DYNLT2: variants seen among roughly 807,000 people sequenced by gnomAD.
DYNLT2 encodes the protein dynein light chain Tctex-type protein 2.
A neutral mutation model predicts 24.3 loss-of-function variants in DYNLT2; 24 were observed. That is an observed-to-expected ratio of 0.99 (90% confidence interval 0.71 to 1.39). The LOEUF is 1.39. Among genes scored for constraint, DYNLT2 ranks in the 40% most tolerant of loss-of-function variants. The pLI is 0.00. For missense variants in DYNLT2, 246 were observed against 234.5 expected (o/e 1.05, Z -0.32); for synonymous variants, 85 against 85.4 (o/e 1.00, Z 0.03).
Position 169,744,214 on chromosome 6 carries a change from G to T in DYNLT2, c.181C>A (p.Pro61Thr), listed in dbSNP as rs76911742. 422 of 1,613,698 alleles carry T rather than the reference G, an allele frequency of 2.6e-4. No homozygotes were observed. The East Asian group carries it at 5.0e-3, about 19-fold the overall frequency. Reference protein sequence around the residue: ...ESIHNVQYVEPPFDDSIADIG... With the variant: ...ESIHNVQYVETPFDDSIADIG... Reference sequence around the variant, plus strand: ...TCAGCAATTGAGTCATCAAAAGGAGGCTCCACATACTGAACATTGTGAATT... The same window carrying T: ...TCAGCAATTGAGTCATCAAAAGGAGTCTCCACATACTGAACATTGTGAATT... Residue 61 changes from proline to threonine, a missense_variant, in exon 2 of 4, where the codon CCT becomes ACT. Transcript: ENST00000366774.
rs766291738 is a variant in DYNLT2 at position 169,743,061 on chromosome 6, G to A, written c.486+19C>T. On this transcript the variant is annotated intron_variant, in intron 3 of 3. Transcript: ENST00000366774. ...CTTATAGTTCTAATTGCTAGATCCTGTATCAATGGGGTACTTACATTTATT... is the reference window on the plus strand; with the variant it reads ...CTTATAGTTCTAATTGCTAGATCCTATATCAATGGGGTACTTACATTTATT... The A allele has an allele frequency of 7.3e-6, 11 of 1,502,736 alleles. No homozygotes were observed. In the Admixed American group the frequency reaches 1.3e-4, roughly 18 times the overall value. 93.1% of individuals were successfully genotyped at this position (1,502,736 alleles called of 1,614,324 possible).
chr6:169,748,800 C>CA (rs1789872065), intron 1 of DYNLT2, among the ~76,000 whole-genome samples: 5 of 152,162 alleles, frequency 3.3e-5, no homozygotes, highest in African/African-American at 9.7e-5. Context: ...CTGAAAATAA[C>CA]CATTAATGCT....
intron 1 of DYNLT2, among the ~76,000 whole-genome samples, chr6:169,748,554 G>C (rs745928772): frequency 9.9e-5 from 15 of 152,250 alleles, no homozygotes; most frequent in Non-Finnish European, 1.9e-4. Flanking sequence ...ATCTCTTCTT[G>C]TGATCATCTG....
the DYNLT2 span, among the ~76,000 whole-genome samples, chr6:169,728,559 T>G: frequency 6.6e-6 from 1 of 152,228 alleles, no homozygotes; most frequent in Non-Finnish European, 1.5e-5. Context: ...CAAAGTGATC[T>G]TAATAATCAA....
At chr6:169,739,794 A>G (rs1170946005), downstream of DYNLT2, among the ~76,000 whole-genome samples, 1 of 152,214 alleles carries the variant, frequency 6.6e-6, no homozygotes, top group Non-Finnish European at 1.5e-5. Context: ...AGAAATTTCC[A>G]AAATCTATCT....
chr6:169,734,446 G>C, the DYNLT2 span, among the ~76,000 whole-genome samples: 4 of 152,164 alleles, frequency 2.6e-5, no homozygotes, highest in Admixed American at 6.5e-5. Context: ...TTATTATTTT[G>C]AGATCTGTTC....
chr6:169,745,867 G>T (rs145587955), intron 1 of DYNLT2, among the ~76,000 whole-genome samples: 1 of 151,988 alleles, frequency 6.6e-6, no homozygotes, highest in Non-Finnish European at 1.5e-5. Flanking sequence ...TTCCTTAAAT[G>T]CTTGGTAGAA....
rs188484653 is a variant in DYNLT2 at position 169,740,230 on chromosome 6, T to G, written c.552A>C (p.Glu184Asp). 6.2e-7 allele frequency: 1 copy of G among 1,614,036 alleles called. No individual in the cohort carries two copies. The highest frequency in any genetic ancestry group is 2.2e-5 in the East Asian group (1 of 44,876). ...ACACCAAGACCAGTGCCACGTAGGATTCTGCTTCGTGTTTAGCTGCGACCC... is the reference window on the plus strand; with the variant it reads ...ACACCAAGACCAGTGCCACGTAGGAGTCTGCTTCGTGTTTAGCTGCGACCC... ...DSWVAAKHEA[E>D]SYVALVLVFA... Residue 184 changes from glutamate to aspartate, a missense_variant, in exon 4 of 4, where the codon GAA becomes GAC. Glu to Asp is a conservative substitution (Grantham distance 45). Coordinates refer to ENST00000366774, the MANE Select transcript of DYNLT2 (RefSeq NM_174910.3).
At chr6:169,729,239 A>G in the DYNLT2 span, among the ~76,000 whole-genome samples, 18 of 152,176 alleles carry the variant, frequency 1.2e-4, no homozygotes, top group Non-Finnish European at 2.4e-4. Flanking sequence ...TCCTGAAGCA[A>G]CTTACCTTGT....
the DYNLT2 span, among the ~76,000 whole-genome samples, chr6:169,731,418 T>C: frequency 1.3e-5 from 2 of 152,252 alleles, no homozygotes; most frequent in East Asian, 3.9e-4. Flanking sequence ...TCCATCAGTT[T>C]TATGTGTAAG....
downstream of DYNLT2, chr6:169,739,991 ATG>A (rs1379108165): frequency 8.0e-5 from 42 of 527,284 alleles, no homozygotes; most frequent in East Asian, 1.2e-3. Flanking sequence ...GCATAATATT[ATG>A]TTAGTTAATA....
At chr6:169,732,318 T>C in the DYNLT2 span, among the ~76,000 whole-genome samples, 3 of 152,222 alleles carry the variant, frequency 2.0e-5, no homozygotes, top group Admixed American at 2.0e-4. Context: ...TCAAAATATC[T>C]TTTTATTTCT....
the DYNLT2 span, among the ~76,000 whole-genome samples, chr6:169,732,446 C>T: frequency 6.6e-6 from 1 of 152,158 alleles, no homozygotes; most frequent in African/African-American, 2.4e-5. Flanking sequence ...CCTCCACTCT[C>T]ACCCCCAACA....
At chr6:169,744,308 G>T in intron 1 of DYNLT2, 34 bp from the exon 2 acceptor site, 1 of 1,567,488 alleles carries the variant, frequency 6.4e-7, no homozygotes. Flanking sequence ...AGAGAGAAAG[G>T]CAGAAAGATT....
At chr6:169,737,627 C>G (rs986426287), downstream of DYNLT2, among the ~76,000 whole-genome samples, 1 of 152,064 alleles carries the variant, frequency 6.6e-6, no homozygotes, top group African/African-American at 2.4e-5. Flanking sequence ...CTGATTTGCT[C>G]TTATACCTGG....
downstream of DYNLT2, among the ~76,000 whole-genome samples, chr6:169,735,300 TGTTA>T (rs766501217): frequency 3.1e-4 from 47 of 152,286 alleles, no homozygotes; most frequent in Non-Finnish European, 5.6e-4. Context: ...TCTTCTCTGA[TGTTA>T]GTTATTTTTT....
At chr6:169,747,142 C>T (rs968544349) in intron 1 of DYNLT2, among the ~76,000 whole-genome samples, 1 of 151,780 alleles carries the variant, frequency 6.6e-6, no homozygotes, top group African/African-American at 2.4e-5. Context: ...GATGATGCTT[C>T]GATGTCTTCT....
intron 1 of DYNLT2, among the ~76,000 whole-genome samples, chr6:169,745,029 A>G (rs1172811541): frequency 1.3e-5 from 2 of 152,078 alleles, no homozygotes; most frequent in Non-Finnish European, 2.9e-5. Flanking sequence ...TTGCTTTGTT[A>G]CTAATATTAC....
chr6:169,751,520 G>A lies in DYNLT2; in HGVS notation c.-62C>T, dbSNP rs1040175261. On this transcript the variant is annotated 5_prime_UTR_variant, in exon 1 of 4. Transcript: ENST00000366774. ...TCACCGCCGGCGGTCAAACGCCCTA[G>A]CCAGTCCCGCGAGGGCGGAAGTCTC... 6 of 1,611,106 alleles carry A rather than the reference G, an allele frequency of 3.7e-6. No homozygotes were observed. Among genetic ancestry groups the A allele is most frequent in the Admixed American group, 1.7e-5 (1 of 59,602 alleles).
Sources: allele counts gnomAD v4.1 joint callset (sites outside exome capture counted in the v4.1 genomes callset), GRCh38; gene constraint gnomAD v4.1.1; transcripts MANE v1.5; gene names NCBI Gene and HGNC (gene_info 2026-07-23, HGNC 2026-07-21).